Variants in QSOX2 observed in about 807,000 individuals in gnomAD.
QSOX2 encodes the protein quiescin sulfhydryl oxidase 2, also known as sulfhydryl oxidase 2.
Under a neutral mutation model 61.7 loss-of-function variants are expected in QSOX2, and 46 were observed. That is an observed-to-expected ratio of 0.75 (90% CI 0.59 to 0.95). QSOX2 has a LOEUF of 0.95. QSOX2 is among the 40% of genes least tolerant of loss of function. The pLI, the probability that QSOX2 is intolerant of heterozygous loss-of-function variation, is 0.00. For synonymous variants in QSOX2, 383 were observed against 388.4 expected (o/e 0.99, Z 0.16); for missense variants, 879 against 918.9 (o/e 0.96, Z 0.56).
rs1200798120 is a variant in QSOX2, at chr9:136,207,419, C to A, written c.*1309G>T. The A allele has an allele frequency of 6.7e-5, 10 of 148,944 alleles. No homozygotes were observed. The highest frequency in any genetic ancestry group is 2.5e-4 in the African/African-American group (10 of 39,462). The allele number at this position is 148,944 out of a possible 1,614,324, so 9.2% of individuals were successfully genotyped here. ...CACACACACGGGCACACAAATACAT[C>A]TGAGCCTATTTTAGCCAAATCAAAT... On this transcript the variant is annotated 3_prime_UTR_variant, in exon 12 of 12. Transcript: ENST00000358701.
chr9:136,244,381 A>G (rs541158003), intron 1 of QSOX2, among the ~76,000 whole-genome samples: 2 of 152,364 alleles, frequency 1.3e-5, no homozygotes, highest in South Asian at 4.1e-4. Flanking sequence ...CATTTTAAAG[A>G]TAACCATTTA....
chr9:136,210,075 G>T, intron 11 of QSOX2: 1 of 985,476 alleles, frequency 1.0e-6, no homozygotes, highest in African/African-American at 1.7e-5. Flanking sequence ...CCCTACTCGG[G>T]CCAGTCACTG....
chr9:136,210,382 G>T, intron 11 of QSOX2: 1 of 985,470 alleles, frequency 1.0e-6, no homozygotes, highest in African/African-American at 1.7e-5. Context: ...GGGGGCACAT[G>T]CGGGCTGGGG....
chr9:136,235,474 G>A (rs139695109), intron 1 of QSOX2, among the ~76,000 whole-genome samples: 2,062 of 152,352 alleles, frequency 0.014, 22 homozygotes, highest in Middle Eastern at 0.031. Flanking sequence ...CAGGGACACC[G>A]TCATACGGAA....
intron 7 of QSOX2, 101 bp from the exon 8 acceptor site, chr9:136,218,909 A>AGGGCTCCTGAGC (rs1436865837): frequency 3.8e-6 from 6 of 1,568,348 alleles, no homozygotes; most frequent in Non-Finnish European, 5.2e-6. Context: ...GGCCCCTGGG[A>AGGGCTCCTGAGC]GGGCTCCTGA....
chr9:136,226,940 C>G (rs1830287982), intron 1 of QSOX2, 66 bp from the exon 2 acceptor site: 2 of 1,393,304 alleles, frequency 1.4e-6, no homozygotes, highest in Non-Finnish European at 2.0e-6. Context: ...CAGGACCCAG[C>G]AGTCCCCACT....
intron 2 of QSOX2, among the ~76,000 whole-genome samples, chr9:136,226,405 C>T (rs1166255152): frequency 6.6e-6 from 1 of 152,148 alleles, no homozygotes; most frequent in Non-Finnish European, 1.5e-5. Context: ...TGTGAGAGCC[C>T]CATGGTACAC....
chr9:136,217,886 C>T (rs1358580957), intron 8 of QSOX2, among the ~76,000 whole-genome samples: 2 of 152,246 alleles, frequency 1.3e-5, no homozygotes, highest in African/African-American at 4.8e-5. Context: ...GGGCAATGTT[C>T]ATGCATTCAT....
intron 8 of QSOX2, 88 bp from the exon 9 acceptor site, chr9:136,216,810 C>A: frequency 6.6e-7 from 1 of 1,518,162 alleles, no homozygotes; most frequent in South Asian, 1.2e-5. Context: ...CAAAGAGAAG[C>A]ACTCCATCCG....
intron 8 of QSOX2, among the ~76,000 whole-genome samples, chr9:136,218,442 A>G (rs934138684): frequency 6.6e-6 from 1 of 151,932 alleles, no homozygotes; most frequent in African/African-American, 2.4e-5. Flanking sequence ...TGCTCGGCTC[A>G]CACCCCCGCC....
rs1216822221 is a variant in QSOX2, at chr9:136,209,134, C to T, written c.1691G>A (p.Arg564His). 6 of 1,614,166 alleles carry T rather than the reference C, an allele frequency of 3.7e-6. No homozygotes were observed. Among genetic ancestry groups the T allele is most frequent in the Admixed American group, 1.7e-5 (1 of 60,028 alleles). ...VLTFLKQHYG[R>H]DNLLDTYSAD... is the part of the protein sequence containing the mutation. ...GGAATACGTGTCTAAGAGGTTGTCG[C>T]GGCCATAGTGCTGCTTCAAGAATGT... is the stretch of plus-strand genomic sequence containing the variant. Residue 564 changes from arginine (R) to histidine (H), a missense_variant, in exon 12 of 12, where the codon CGC becomes CAC. Arg to His is a conservative substitution (Grantham distance 29). Transcript: ENST00000358701. The surrounding 1 kb of genome is among the most constrained non-coding windows in gnomAD (Gnocchi z 5.6).
At position 136,206,758 on chromosome 9, in the gene QSOX2, T is replaced by C. The variant is rs544652700; in HGVS notation, c.*1970A>G. 3.3e-5 allele frequency: 5 copies of C among 152,418 alleles called. No homozygotes were observed. The South Asian group carries it at 1.0e-3, about 32-fold the overall frequency. 9.4% of individuals were successfully genotyped at this position (152,418 alleles called of 1,614,324 possible). A position where few individuals can be genotyped will look rare whatever the true frequency, so the allele number is the denominator to read the frequency against. ...CCTCAAACTGCAATATGATGAAACC[T>C]GCAGCCAACACTGCCCTCCACAAGG... On this transcript the variant is annotated 3_prime_UTR_variant, in exon 12 of 12. Transcript: ENST00000358701.
chr9:136,244,965 T>C (rs1206028088), intron 1 of QSOX2, among the ~76,000 whole-genome samples: 1 of 151,972 alleles, frequency 6.6e-6, no homozygotes, highest in African/African-American at 2.4e-5. Context: ...AACCAGAAAG[T>C]TAATGATGAA....
At chr9:136,224,205 G>A (rs1330752431) in intron 3 of QSOX2, 93 bp from the exon 4 acceptor site, 1 of 983,642 alleles carries the variant, frequency 1.0e-6, no homozygotes, top group African/African-American at 1.6e-5. Flanking sequence ...CCCAGCCTGG[G>A]GCCCAAAGAC....
At chr9:136,210,405 G>A in intron 11 of QSOX2, 1 of 985,460 alleles carries the variant, frequency 1.0e-6, no homozygotes, top group South Asian at 4.7e-5. Context: ...ACAGGTAGCA[G>A]CAGGGGCTCC....
At chr9:136,231,283 G>GC (rs1830327499) in intron 1 of QSOX2, among the ~76,000 whole-genome samples, 1 of 152,144 alleles carries the variant, frequency 6.6e-6, no homozygotes, top group African/African-American at 2.4e-5. Flanking sequence ...ACCAGAATAC[G>GC]CCCCCATCCT....
At chr9:136,244,684 G>A (rs1364590390) in intron 1 of QSOX2, among the ~76,000 whole-genome samples, 1 of 152,228 alleles carries the variant, frequency 6.6e-6, no homozygotes, top group East Asian at 1.9e-4. Context: ...ACTCTAACCT[G>A]TAGAGCAGGC....
intron 8 of QSOX2, among the ~76,000 whole-genome samples, 155 bp downstream of exon 8, chr9:136,218,524 G>A (rs188933347): frequency 9.8e-4 from 150 of 152,380 alleles, no homozygotes; most frequent in Middle Eastern, 3.4e-3. Context: ...CGGGAAATGG[G>A]TGGAATGAGT....
Position 136,207,296 on chromosome 9 carries a change from G to A in QSOX2, c.*1432C>T, listed in dbSNP as rs555488467. 1 of 151,266 alleles carries A rather than the reference G, an allele frequency of 6.6e-6. No individual in the cohort carries two copies. Among genetic ancestry groups the A allele is most frequent in the Non-Finnish European group, 1.5e-5 (1 of 67,914 alleles). The allele number at this position is 151,266 out of a possible 1,614,324, so 9.4% of individuals were successfully genotyped here. A position where few individuals can be genotyped will look rare whatever the true frequency, so the allele number is the denominator to read the frequency against. ...GTCATCAACTTGTTAGTAAACACATGATTATACAACATAAAGTAGGCAAAG... is the reference window on the plus strand; with the variant it reads ...GTCATCAACTTGTTAGTAAACACATAATTATACAACATAAAGTAGGCAAAG... On this transcript the variant is annotated 3_prime_UTR_variant, in exon 12 of 12. Transcript: ENST00000358701.
Sources: gnomAD v4.1 joint callset for allele counts (sites outside exome capture counted in the v4.1 genomes callset) on GRCh38, gnomAD v4.1.1 for gene constraint, Gnocchi (gnomAD v3.1) non-coding constraint, MANE v1.5 for transcripts, NCBI Gene and HGNC (gene_info 2026-07-23, HGNC 2026-07-21) for gene names.